ARK2N: variants seen among roughly 807,000 people sequenced by gnomAD.
ARK2N encodes arkadia (RNF111) N-terminal like PKA signaling regulator 2N.
the ARK2N span, among the ~76,000 whole-genome samples, chr18:46,243,188 T>C: frequency 1.9e-4 from 29 of 152,346 alleles, no homozygotes; most frequent in Admixed American, 6.5e-4. Context: ...CTTGTGAAGA[T>C]ATCTGAATGT....
chr18:46,176,140 C>T, the ARK2N span, among the ~76,000 whole-genome samples: 1 of 152,170 alleles, frequency 6.6e-6, no homozygotes, highest in Non-Finnish European at 1.5e-5. Flanking sequence ...CTTTCAGTCT[C>T]TTTATTGTGT....
chr18:46,210,442 G>A, the ARK2N span, among the ~76,000 whole-genome samples: 7 of 152,310 alleles, frequency 4.6e-5, no homozygotes, highest in East Asian at 1.3e-3. Flanking sequence ...GGAGCAGAGT[G>A]GGGTAGATCA....
chr18:46,243,187 A>G, the ARK2N span, among the ~76,000 whole-genome samples: 3 of 152,212 alleles, frequency 2.0e-5, no homozygotes, highest in East Asian at 1.9e-4. Flanking sequence ...TCTTGTGAAG[A>G]TATCTGAATG....
At chr18:46,197,613 C>G in the ARK2N span, among the ~76,000 whole-genome samples, 1 of 152,156 alleles carries the variant, frequency 6.6e-6, no homozygotes, top group Admixed American at 6.6e-5. Flanking sequence ...GAATGTAGTT[C>G]CTTGATGAAT....
At chr18:46,265,101 A>G in the ARK2N span, 1 of 152,582 alleles carries the variant, frequency 6.6e-6, no homozygotes, top group Non-Finnish European at 1.5e-5. Flanking sequence ...CTTTAGGATT[A>G]ATTTATTGAA....
chr18:46,175,164 T>C, the ARK2N span, among the ~76,000 whole-genome samples: 9 of 126,588 alleles, frequency 7.1e-5, no homozygotes, highest in African/African-American at 2.7e-4. Flanking sequence ...AAATTGATGC[T>C]CACAGGTTGA....
chr18:46,216,642 C>G, the ARK2N span: 1 of 1,472,956 alleles, frequency 6.8e-7, no homozygotes, highest in Non-Finnish European at 9.2e-7. This position sits in a 1 kb window ranked among gnomAD's most constrained non-coding sequence, Gnocchi z 4.3. Context: ...GATGGCATTT[C>G]TCAGCTATCA....
At chr18:46,225,499 C>T in the ARK2N span, among the ~76,000 whole-genome samples, 8 of 152,240 alleles carry the variant, frequency 5.3e-5, no homozygotes, top group Admixed American at 2.6e-4. Flanking sequence ...CGCTTTGTCG[C>T]GCAGGCTGGA....
the ARK2N span, among the ~76,000 whole-genome samples, chr18:46,247,846 A>AT: frequency 2.0e-5 from 3 of 152,118 alleles, no homozygotes; most frequent in African/African-American, 7.2e-5. Context: ...TAATTTTTGT[A>AT]TTTTTAGTAG....
chr18:46,222,914 C>G, the ARK2N span, among the ~76,000 whole-genome samples: 1 of 152,138 alleles, frequency 6.6e-6, no homozygotes, highest in Non-Finnish European at 1.5e-5. Context: ...AGGGTTCACT[C>G]TTGGTGTTGT....
the ARK2N span, among the ~76,000 whole-genome samples, chr18:46,178,731 A>G: frequency 6.6e-6 from 1 of 152,124 alleles, no homozygotes; most frequent in Non-Finnish European, 1.5e-5. Context: ...CCTGGGCAAC[A>G]TGGCAGAACC....
chr18:46,257,969 C>T, the ARK2N span, among the ~76,000 whole-genome samples: 1 of 151,406 alleles, frequency 6.6e-6, no homozygotes, highest in Non-Finnish European at 1.5e-5. Context: ...CCCTGTCCTC[C>T]AGGCTGGAGT....
the ARK2N span, among the ~76,000 whole-genome samples, chr18:46,256,509 AAC>A: frequency 6.6e-6 from 1 of 152,176 alleles, no homozygotes; most frequent in East Asian, 1.9e-4. Flanking sequence ...CCCCACCCCT[AAC>A]ACACACAATC....
the ARK2N span, among the ~76,000 whole-genome samples, chr18:46,219,737 G>GT: frequency 3.9e-5 from 6 of 152,142 alleles, no homozygotes; most frequent in Non-Finnish European, 8.8e-5. Context: ...CCCAAGTGCT[G>GT]TGATTACAGG....
At chr18:46,228,608 T>C in the ARK2N span, 4 of 389,528 alleles carry the variant, frequency 1.0e-5, no homozygotes, top group Non-Finnish European at 4.5e-6. Flanking sequence ...TTTTGGGAGA[T>C]AGGGTCTCAC....
At chr18:46,216,708 A>G in the ARK2N span, 1 of 946,258 alleles carries the variant, frequency 1.1e-6, no homozygotes, top group Non-Finnish European at 1.5e-6. This position sits in a 1 kb window ranked among gnomAD's most constrained non-coding sequence, Gnocchi z 4.3. Context: ...AGCTCTGTGT[A>G]AATTTGAAGA....
At chr18:46,250,885 T>C in the ARK2N span, among the ~76,000 whole-genome samples, 2 of 152,182 alleles carry the variant, frequency 1.3e-5, no homozygotes, top group Non-Finnish European at 2.9e-5. Context: ...CTTCCCCTCA[T>C]CTGTGCCTAC....
the ARK2N span, chr18:46,239,972 T>A: frequency 2.5e-6 from 4 of 1,596,832 alleles, no homozygotes; most frequent in Non-Finnish European, 3.4e-6. Context: ...CCCCACACGT[T>A]AGATACAAGT....
At chr18:46,253,490 A>C in the ARK2N span, among the ~76,000 whole-genome samples, 1 of 152,224 alleles carries the variant, frequency 6.6e-6, no homozygotes, top group African/African-American at 2.4e-5. Flanking sequence ...TGTTGTTTGA[A>C]TATACATCAT....
Sources: allele counts gnomAD v4.1 joint callset (sites outside exome capture counted in the v4.1 genomes callset), GRCh38; gene constraint gnomAD v4.1.1; non-coding constraint Gnocchi (gnomAD v3.1); transcripts MANE v1.5; gene names NCBI Gene and HGNC (gene_info 2026-07-23, HGNC 2026-07-21).